The following SPATA16 variants were observed in gnomAD, a reference collection of about 807,000 sequenced individuals.
The protein encoded by SPATA16 is spermatogenesis associated 16, also known as spermatogenesis-associated protein 16.
SPATA16 carries 36 observed loss-of-function variants against 63.3 expected under a neutral mutation model. That is an observed-to-expected ratio of 0.57 (90% CI 0.44 to 0.75). The LOEUF (loss-of-function observed/expected upper bound fraction) is 0.75. Ranked by LOEUF, SPATA16 falls within the 30% of genes least tolerant of loss-of-function variation. The pLI, the probability that SPATA16 is intolerant of heterozygous loss-of-function variation, is 0.00. For missense variants in SPATA16, 646 were observed against 679.3 expected (o/e 0.95, Z 0.54); for synonymous variants, 203 against 216.7 (o/e 0.94, Z 0.56).
chr3:172,955,170 A>T (rs1403267198), intron 6 of SPATA16, among the ~76,000 whole-genome samples: 2 of 152,188 alleles, frequency 1.3e-5, no homozygotes, highest in Admixed American at 1.3e-4. Flanking sequence ...GTGCTTCCGA[A>T]CTATTAATTA....
At chr3:173,126,030 C>A (rs76907203) in intron 1 of SPATA16, among the ~76,000 whole-genome samples, 1 of 146,508 alleles carries the variant, frequency 6.8e-6, no homozygotes, top group African/African-American at 2.4e-5. Flanking sequence ...CTTCTCTAGG[C>A]GCTGTAGCAT....
intron 6 of SPATA16, among the ~76,000 whole-genome samples, chr3:172,947,428 A>G (rs1022219086): frequency 1.3e-5 from 2 of 152,174 alleles, no homozygotes; most frequent in African/African-American, 2.4e-5. Flanking sequence ...TACGTAATGT[A>G]TGCTCTGAGT....
chr3:172,969,311 A>C (rs534403249), intron 5 of SPATA16, among the ~76,000 whole-genome samples: 1 of 152,310 alleles, frequency 6.6e-6, no homozygotes, highest in African/African-American at 2.4e-5. Context: ...GGTCTTATAA[A>C]GTATTTAAAT....
intron 6 of SPATA16, among the ~76,000 whole-genome samples, chr3:172,929,170 C>A (rs1732808232): frequency 6.6e-6 from 1 of 152,078 alleles, no homozygotes; most frequent in South Asian, 2.1e-4. Context: ...TCTTTTAATG[C>A]ATTCCTTTAC....
chr3:173,041,556 C>T (rs766960124), intron 3 of SPATA16, among the ~76,000 whole-genome samples: 3 of 151,962 alleles, frequency 2.0e-5, no homozygotes, highest in Non-Finnish European at 4.4e-5. Flanking sequence ...TTTTGTGTTC[C>T]CAATTATTAT....
chr3:173,128,553 C>A (rs1165697539), intron 1 of SPATA16, among the ~76,000 whole-genome samples: 2 of 152,118 alleles, frequency 1.3e-5, no homozygotes, highest in Non-Finnish European at 2.9e-5. Context: ...GTTTAGTAAG[C>A]AGAAGAGGGC....
chr3:173,010,764 C>T (rs1735053292), intron 4 of SPATA16, among the ~76,000 whole-genome samples: 1 of 152,006 alleles, frequency 6.6e-6, no homozygotes, highest in African/African-American at 2.4e-5. Context: ...GAAAATCGTA[C>T]CCCACAGGCC....
rs113002425 is a variant in SPATA16 at position 173,100,199 on chromosome 3, C to T, written c.612+16921G>A. Among the ~76,000 whole-genome samples the T allele has an allele frequency of 6.6e-3, 1,006 of 152,268 alleles. 13 individuals carry two copies. The highest frequency in any genetic ancestry group is 0.023 in the African/African-American group (950 of 41,536). On this transcript the variant is annotated intron_variant, in intron 2 of 10. Coordinates refer to ENST00000351008, the MANE Select transcript of SPATA16 (RefSeq NM_031955.6). ...GGCCCCTTAGTGTCAGCAGTGGTCT[C>T]CTGTTGCCTCAAATATCACAGCACA...
chr3:173,033,043 A>G (rs992426103), intron 3 of SPATA16, among the ~76,000 whole-genome samples: 4 of 152,202 alleles, frequency 2.6e-5, no homozygotes, highest in African/African-American at 9.6e-5. Flanking sequence ...CCAGTTGAAC[A>G]TCAAATGTAC....
chr3:172,984,465 A>G (rs896903285), intron 4 of SPATA16, among the ~76,000 whole-genome samples: 5 of 152,298 alleles, frequency 3.3e-5, no homozygotes, highest in Admixed American at 2.0e-4. Flanking sequence ...ACAATCATTC[A>G]TAAGGAGACT....
chr3:173,140,606 A>G (rs1029934662), intron 1 of SPATA16, among the ~76,000 whole-genome samples: 2 of 152,316 alleles, frequency 1.3e-5, no homozygotes, highest in Admixed American at 1.3e-4. Context: ...TTGACGTTCA[A>G]TGTCTTCAAT....
intron 1 of SPATA16, among the ~76,000 whole-genome samples, chr3:173,120,042 G>A (rs189946727): frequency 2.0e-5 from 3 of 151,142 alleles, no homozygotes; most frequent in African/African-American, 4.9e-5. Context: ...CGCCAAGATC[G>A]TGTCATTGCA....
At chr3:173,005,203 A>G (rs970627033) in intron 4 of SPATA16, among the ~76,000 whole-genome samples, 3 of 151,998 alleles carry the variant, frequency 2.0e-5, no homozygotes, top group Admixed American at 1.3e-4. Context: ...ACAAGCCTGT[A>G]GTCCCAGCTA....
intron 4 of SPATA16, among the ~76,000 whole-genome samples, chr3:172,986,863 TG>T (rs910679612): frequency 5.3e-5 from 8 of 152,130 alleles, no homozygotes; most frequent in African/African-American, 1.7e-4. Flanking sequence ...GCAGGAATTC[TG>T]GGGGACAGCA....
intron 2 of SPATA16, among the ~76,000 whole-genome samples, chr3:173,114,094 C>G (rs1228803161): frequency 6.7e-6 from 1 of 149,618 alleles, no homozygotes; most frequent in Non-Finnish European, 1.5e-5. Context: ...GCAGGAGAAT[C>G]ACTTGAACCT....
chr3:173,105,795 CT>C, intron 2 of SPATA16, among the ~76,000 whole-genome samples: 2 of 95,254 alleles, frequency 2.1e-5, no homozygotes, highest in Non-Finnish European at 4.0e-5. Flanking sequence ...ATCCCTCCCT[CT>C]CTCCCTTCCT....
chr3:173,030,008 C>G (rs188064774), intron 3 of SPATA16, among the ~76,000 whole-genome samples: 49 of 152,082 alleles, frequency 3.2e-4, no homozygotes, highest in Admixed American at 2.0e-3. Context: ...ATTAAGATAT[C>G]ACAGGTAAGT....
At chr3:172,977,821 A>C (rs187347512) in intron 4 of SPATA16, among the ~76,000 whole-genome samples, 23 of 152,296 alleles carry the variant, frequency 1.5e-4, no homozygotes, top group Admixed American at 1.3e-3. Flanking sequence ...TTAAACATAT[A>C]ATAATCCTGT....
At chr3:172,907,283 A>C (rs1732263338) in intron 10 of SPATA16, among the ~76,000 whole-genome samples, 1 of 152,084 alleles carries the variant, frequency 6.6e-6, no homozygotes, top group Admixed American at 6.6e-5. Flanking sequence ...TCTCCCTCTA[A>C]ATCAGCCTTT....
Sources: gnomAD v4.1 joint callset for allele counts (sites outside exome capture counted in the v4.1 genomes callset) on GRCh38, gnomAD v4.1.1 for gene constraint, MANE v1.5 for transcripts, NCBI Gene and HGNC (gene_info 2026-07-23, HGNC 2026-07-21) for gene names.